TUT1: variants seen among roughly 807,000 people sequenced by gnomAD.
TUT1 encodes the protein speckle targeted PIP5K1A-regulated poly(A) polymerase.
In TUT1, 26 loss-of-function variants were observed where a neutral mutation model predicts 48.8. The observed-to-expected ratio is 0.53, with a 90% CI of 0.39 to 0.74. The LOEUF (loss-of-function observed/expected upper bound fraction) is 0.74. Among genes scored for constraint, TUT1 ranks in the 30% least tolerant of loss-of-function variants. The pLI, the probability that TUT1 is intolerant of heterozygous loss-of-function variation, is 0.00. For synonymous variants in TUT1, 470 were observed against 460.8 expected, an observed-to-expected ratio of 1.02 and a Z score of -0.26; for missense variants, 1,065 against 1,114.8, an observed-to-expected ratio of 0.96 and a Z score of 0.64.
rs1941943838 is a variant in TUT1, at chr11:62,587,722, A to C, written c.273+1309T>G. Reference sequence around the variant, plus strand: ...CCCTAACAAACACAGGCTCCACCCCATTCTAAAAGATAACCTGGGCTGCAA... The same window carrying C: ...CCCTAACAAACACAGGCTCCACCCCCTTCTAAAAGATAACCTGGGCTGCAA... On this transcript the variant is annotated intron_variant, in intron 2 of 8. Coordinates refer to ENST00000476907, the MANE Select transcript of TUT1 (RefSeq NM_022830.3). Among the ~76,000 whole-genome samples, 3 of 152,200 alleles carry C rather than the reference A, an allele frequency of 2.0e-5. No homozygotes were observed. In the South Asian group the frequency reaches 6.2e-4, roughly 31 times the overall value.
Position 62,581,501 on chromosome 11 carries a change from G to A in TUT1, c.474C>T (p.Asp158=), listed in dbSNP as rs141211303. 44 of 1,614,194 alleles carry A rather than the reference G, an allele frequency of 2.7e-5. No individual in the cohort carries two copies. The African/African-American group carries it at 3.5e-4, about 13-fold the overall frequency. Residue 158 remains aspartate, a synonymous_variant, in exon 3 of 9, where the codon GAC becomes GAT. Transcript: ENST00000476907. ...CAAGCTTTATCATTTGTGCCCCCAC[G>A]TCTGCAGCCTCAGCTAGCGCTTTGG... ...QLAKALAEAA[D]VGAQMIKLVG...
chr11:62,586,478 A>G (rs1033305763), intron 2 of TUT1, among the ~76,000 whole-genome samples: 1 of 152,212 alleles, frequency 6.6e-6, no homozygotes, highest in South Asian at 2.1e-4. Context: ...TAGTTCCTCA[A>G]TAAAAATGTT....
At chr11:62,588,371 T>C (rs779913419) in intron 2 of TUT1, among the ~76,000 whole-genome samples, 5 of 152,106 alleles carry the variant, frequency 3.3e-5, no homozygotes, top group Non-Finnish European at 7.4e-5. Flanking sequence ...CTGGCCAACA[T>C]GGTGAAACCC....
intron 2 of TUT1, among the ~76,000 whole-genome samples, chr11:62,586,821 C>T (rs374666771): frequency 4.0e-5 from 6 of 148,802 alleles, no homozygotes; most frequent in Non-Finnish European, 7.4e-5. Flanking sequence ...GAGGCTGAGG[C>T]GGGAGAATTG....
intron 2 of TUT1, among the ~76,000 whole-genome samples, chr11:62,588,701 C>G (rs1049464931): frequency 2.0e-4 from 31 of 152,148 alleles, no homozygotes; most frequent in African/African-American, 7.2e-4. Context: ...CTGATTCATT[C>G]TTTTTTTTCT....
intron 2 of TUT1, among the ~76,000 whole-genome samples, chr11:62,587,377 C>T (rs554256252): frequency 6.2e-4 from 95 of 152,244 alleles, no homozygotes; most frequent in African/African-American, 2.2e-3. Context: ...GACGGGGTTT[C>T]TCCATGTTGG....
At position 62,581,478 on chromosome 11, in the gene TUT1, A is replaced by G. The variant is rs1941823852; in HGVS notation, c.497T>C (p.Leu166Pro). 1.9e-6 allele frequency: 3 copies of G among 1,614,124 alleles called. No individual in the cohort carries two copies. Among genetic ancestry groups the G allele is most frequent in the Non-Finnish European group, 2.5e-6 (3 of 1,180,024 alleles). Residue 166 changes from leucine to proline, a missense_variant, in exon 3 of 9, where the codon CTT becomes CCT. By Grantham distance (98) the Leu-to-Pro change is moderately conservative (BLOSUM62 -3). Transcript: ENST00000476907. ...AADVGAQMIK[L>P]VGLRELSEAE... is the part of the protein sequence containing the mutation. The stretch of plus-strand genomic sequence containing the variant: ...CTCGGACAACTCCCTCAGCCCCACA[A>G]GCTTTATCATTTGTGCCCCCACGTC...
intron 1 of TUT1, among the ~76,000 whole-genome samples, chr11:62,590,632 G>C (rs1416296513): frequency 6.9e-6 from 1 of 145,478 alleles, no homozygotes; most frequent in Non-Finnish European, 1.5e-5. Flanking sequence ...GTGAGACTCT[G>C]TCTCAAAAAA....
At chr11:62,581,768 G>A in intron 2 of TUT1, 67 bp from the exon 3 acceptor site, 4 of 1,246,838 alleles carry the variant, frequency 3.2e-6, no homozygotes, top group East Asian at 6.0e-5. Context: ...ATCTACAGTG[G>A]ATGAGAATAT....
intron 2 of TUT1, 145 bp downstream of exon 2, chr11:62,588,886 G>A: frequency 1.6e-6 from 1 of 639,538 alleles, no homozygotes; most frequent in Non-Finnish European, 2.6e-6. Flanking sequence ...TAGAGATGGG[G>A]TTTCACCATG....
intron 2 of TUT1, among the ~76,000 whole-genome samples, chr11:62,586,726 G>A (rs1941921502): frequency 6.6e-6 from 1 of 152,006 alleles, no homozygotes; most frequent in Non-Finnish European, 1.5e-5. Flanking sequence ...GACCAGCCTG[G>A]CGAACATGGT....
At chr11:62,590,150 AAAGG>A (rs1385479800) in intron 1 of TUT1, among the ~76,000 whole-genome samples, 1 of 152,268 alleles carries the variant, frequency 6.6e-6, no homozygotes, top group Non-Finnish European at 1.5e-5. Context: ...TTCACAGTGA[AAAGG>A]AAGAATGGAA....
chr11:62,590,408 G>C (rs1034477417), intron 1 of TUT1, among the ~76,000 whole-genome samples: 5 of 152,106 alleles, frequency 3.3e-5, no homozygotes, highest in Admixed American at 6.6e-5. Flanking sequence ...AGGCCGAGGC[G>C]GGCGGGTCAC....
intron 8 of TUT1, 44 bp downstream of exon 8, chr11:62,576,613 G>A: frequency 6.5e-7 from 1 of 1,533,836 alleles, no homozygotes; most frequent in Non-Finnish European, 9.0e-7. Context: ...ACCTACTGTT[G>A]ATGAACATCA....
At chr11:62,578,063 CAA>C (rs200086998) in intron 5 of TUT1, among the ~76,000 whole-genome samples, 44 of 107,096 alleles carry the variant, frequency 4.1e-4, no homozygotes, top group African/African-American at 1.6e-3. Context: ...CTCCGTCTCA[CAA>C]AAAAAAAAAA....
In TUT1 at chr11:62,575,264, C is replaced by T; in HGVS notation, c.2455G>A (p.Gly819Ser). ...TCAGTTTCTGGCCTCTCTTCGCCACCACTCAGTCCTTTCAGCTCCTGGGTG... is the reference window on the plus strand; with the variant it reads ...TCAGTTTCTGGCCTCTCTTCGCCACTACTCAGTCCTTTCAGCTCCTGGGTG... ...QVTQELKGLS[G>S]GEERPETEPL... Residue 819 changes from glycine to serine, a missense_variant, in exon 9 of 9, where the codon GGT becomes AGT. Transcript: ENST00000476907. The T allele has an allele frequency of 6.2e-7, 1 of 1,614,196 alleles. No individual in the cohort carries two copies. The highest frequency in any genetic ancestry group is 8.5e-7 in the Non-Finnish European group (1 of 1,180,026).
At chr11:62,582,771 T>C (rs1404796038) in intron 2 of TUT1, among the ~76,000 whole-genome samples, 2 of 152,214 alleles carry the variant, frequency 1.3e-5, no homozygotes, top group Non-Finnish European at 2.9e-5. Flanking sequence ...TAATTAGAAT[T>C]TTTTTAAACA....
intron 1 of TUT1, among the ~76,000 whole-genome samples, chr11:62,589,887 A>G (rs1193864705): frequency 2.0e-5 from 3 of 152,248 alleles, no homozygotes; most frequent in Non-Finnish European, 4.4e-5. Context: ...GACCTTGGTC[A>G]AGTTATGAAG....
rs200751411 is a variant in TUT1, at chr11:62,581,207, C to T, written c.590-1G>A. 62 of 1,613,830 alleles carry T rather than the reference C, an allele frequency of 3.8e-5. No individual in the cohort carries two copies. Among genetic ancestry groups the T allele is most frequent in the Non-Finnish European group, 5.1e-5 (60 of 1,179,902 alleles). ...GAGCCAAAAGGGTGGACCACACAGC[C>T]TGGGTGCCGAGCAGAGAAGAAAGGT... On this transcript the variant is annotated splice_acceptor_variant, in intron 3 of 8. Transcript: ENST00000476907. LOFTEE classifies it high-confidence loss of function.
Sources: allele counts gnomAD v4.1 joint callset (sites outside exome capture counted in the v4.1 genomes callset), GRCh38; gene constraint gnomAD v4.1.1; transcripts MANE v1.5; gene names NCBI Gene and HGNC (gene_info 2026-07-23, HGNC 2026-07-21).